Variants in PHKB observed in about 807,000 individuals in gnomAD.
The protein encoded by PHKB is phosphorylase kinase regulatory subunit beta, also known as phosphorylase b kinase regulatory subunit beta.
A neutral mutation model predicts 152.1 loss-of-function variants in PHKB; 122 were observed. The ratio of observed to expected loss-of-function variants is 0.80; its 90% CI spans 0.69 to 0.93. The LOEUF (loss-of-function observed/expected upper bound fraction) is 0.93, where lower values mean the gene tolerates loss of function less well. Among genes scored for constraint, PHKB ranks in the 40% least tolerant of loss-of-function variants. PHKB has a pLI of 0.00. For synonymous variants in PHKB, 436 were observed against 464.9 expected, an observed-to-expected ratio of 0.94 and a Z score of 0.80; for missense variants, 1,304 against 1,328.4, an observed-to-expected ratio of 0.98 and a Z score of 0.29.
chr16:47,484,399 G>C (rs957182599), intron 1 of PHKB, among the ~76,000 whole-genome samples: 2 of 152,084 alleles, frequency 1.3e-5, no homozygotes, highest in East Asian at 1.9e-4. Flanking sequence ...ATCCATCATG[G>C]AGAAACGTAG....
At chr16:47,607,836 A>G (rs1972354203) in intron 13 of PHKB, among the ~76,000 whole-genome samples, 2 of 152,078 alleles carry the variant, frequency 1.3e-5, no homozygotes, top group Non-Finnish European at 2.9e-5. Context: ...ATCTTTGCCA[A>G]CACTTGTTCT....
chr16:47,611,048 T>G (rs1972419100), intron 14 of PHKB, 128 bp downstream of exon 14: 2 of 704,366 alleles, frequency 2.8e-6, no homozygotes, highest in African/African-American at 1.8e-5. Context: ...CCTCTTCTGG[T>G]TAGTTAAGAT....
At chr16:47,610,182 T>C (rs1486371879) in intron 13 of PHKB, among the ~76,000 whole-genome samples, 22 of 145,172 alleles carry the variant, frequency 1.5e-4, no homozygotes, top group Non-Finnish European at 2.4e-4. Flanking sequence ...TTTTTTTTTT[T>C]GTATTTTTAG....
intron 14 of PHKB, among the ~76,000 whole-genome samples, chr16:47,617,347 T>G (rs574059176): frequency 2.0e-5 from 3 of 151,502 alleles, no homozygotes; most frequent in South Asian, 4.2e-4. Flanking sequence ...AATAAGTACA[T>G]TTACAATGTA....
intron 10 of PHKB, among the ~76,000 whole-genome samples, chr16:47,589,496 T>C (rs1351758247): frequency 6.6e-6 from 1 of 152,244 alleles, no homozygotes; most frequent in Non-Finnish European, 1.5e-5. Flanking sequence ...TAATATTAAA[T>C]ACCTGTTTGT....
chr16:47,515,051 T>C (rs1371904775), intron 5 of PHKB, among the ~76,000 whole-genome samples: 1 of 152,214 alleles, frequency 6.6e-6, no homozygotes. Context: ...GGCATCATCA[T>C]AGTGTCTTGC....
intron 14 of PHKB, among the ~76,000 whole-genome samples, chr16:47,620,857 G>A (rs917943086): frequency 4.6e-5 from 7 of 152,026 alleles, no homozygotes; most frequent in Non-Finnish European, 8.8e-5. Context: ...CTGGGCAACA[G>A]AGTGAGACTC....
In PHKB at chr16:47,700,187, T is replaced by C. The variant is rs1974223598; in HGVS notation, c.*821T>C. On this transcript the variant is annotated 3_prime_UTR_variant, in exon 31 of 31. Coordinates refer to ENST00000323584, the MANE Select transcript of PHKB (RefSeq NM_000293.3). ...AACATGGTGAAAACCCTGTCTCTAC[T>C]AAAAATACAAAAATTAGCCAGGCAT... The C allele has an allele frequency of 6.6e-6, 1 of 151,720 alleles. No individual in the cohort carries two copies. The highest frequency in any genetic ancestry group is 1.5e-5 in the Non-Finnish European group (1 of 67,950). 9.4% of individuals were successfully genotyped at this position (151,720 alleles called of 1,614,324 possible). A position where few individuals can be genotyped will look rare whatever the true frequency, so the allele number is the denominator to read the frequency against.
At chr16:47,660,927 T>C in intron 22 of PHKB, 108 bp downstream of exon 22, 1 of 1,116,910 alleles carries the variant, frequency 9.0e-7, no homozygotes, top group Non-Finnish European at 1.4e-6. Context: ...TAGCAATTAA[T>C]CTGGAGGTGG....
rs556303193 is a variant in PHKB, at chr16:47,693,395, G to A, written c.2783G>A (p.Arg928His). ...QQNGRCWLNR[R>H]QIDGSLNRTP... ...TGTTACAGATGTTGGCTGAACAGGC[G>A]TCAGATCGATGGGTCTTTGAATAGA... Residue 928 changes from arginine to histidine, a missense_variant, in exon 28 of 31, where the codon CGT becomes CAT. By Grantham distance (29) the Arg-to-His change is conservative (BLOSUM62 0). Coordinates refer to ENST00000323584, the MANE Select transcript of PHKB (RefSeq NM_000293.3). 4.5e-5 allele frequency: 72 copies of A among 1,614,006 alleles called. No homozygotes were observed. The highest frequency in any genetic ancestry group is 5.5e-5 in the Non-Finnish European group (65 of 1,179,954).
intron 23 of PHKB, among the ~76,000 whole-genome samples, chr16:47,663,249 A>G (rs767192474): frequency 2.0e-5 from 3 of 152,202 alleles, no homozygotes; most frequent in Non-Finnish European, 4.4e-5. Flanking sequence ...TCATAGCCCC[A>G]TGTACATAAC....
chr16:47,587,762 A>T lies in PHKB; in HGVS notation c.869A>T (p.His290Leu). ...CSLLPRESRS[H>L]NTDAALLPCI... is the part of the protein sequence containing the mutation. ...CTGTTACCCAGAGAATCAAGATCAC[A>T]TGTGAGACATTTAATAATGATAAAT... Residue 290 changes from histidine (H) to leucine (L), a missense_variant and splice_region_variant, in exon 9 of 31, where the codon CAT becomes CTT. Transcript: ENST00000323584. 3.1e-6 allele frequency: 5 copies of T among 1,592,322 alleles called. No individual in the cohort carries two copies. The highest frequency in any genetic ancestry group is 4.3e-6 in the Non-Finnish European group (5 of 1,160,140).
At position 47,478,952 on chromosome 16, in the gene PHKB, C is replaced by T. The variant is rs1567272610; in HGVS notation, c.76+17526C>T. 2.0e-5 allele frequency among the ~76,000 whole-genome samples: 3 copies of T among 152,028 alleles called. No homozygotes were observed. The South Asian group carries it at 6.2e-4, about 32-fold the overall frequency. ...GAATGTATTTTAAAAATATCAGATC[C>T]CTGAATAGAGTCTGGAGATCTTGTT... On this transcript the variant is annotated intron_variant, in intron 1 of 30. Coordinates refer to ENST00000323584, the MANE Select transcript of PHKB (RefSeq NM_000293.3).
intron 4 of PHKB, among the ~76,000 whole-genome samples, chr16:47,505,135 G>A (rs1970390836): frequency 6.6e-6 from 1 of 152,190 alleles, no homozygotes; most frequent in Non-Finnish European, 1.5e-5. Context: ...CATCTGTAAA[G>A]TGAATGATTG....
At position 47,699,622 on chromosome 16, in the gene PHKB, T is replaced by C. The variant is rs566967184; in HGVS notation, c.*256T>C. ...AGTAATCCTCACTGAGTGATAAAAA[T>C]AGTTTATGAATTGAAAATTTGCCGC... On this transcript the variant is annotated 3_prime_UTR_variant, in exon 31 of 31. Coordinates refer to ENST00000323584, the MANE Select transcript of PHKB (RefSeq NM_000293.3). 3.9e-6 allele frequency: 2 copies of C among 507,524 alleles called. No homozygotes were observed. Among genetic ancestry groups the C allele is most frequent in the East Asian group, 7.1e-5 (2 of 28,006 alleles). 31.4% of individuals were successfully genotyped at this position (507,524 alleles called of 1,614,324 possible).
chr16:47,568,959 A>G (rs896974005), intron 7 of PHKB, among the ~76,000 whole-genome samples: 15 of 152,134 alleles, frequency 9.9e-5, no homozygotes, highest in Non-Finnish European at 1.0e-4. Flanking sequence ...TATCTTGGAA[A>G]ATGTTCCATG....
chr16:47,596,167 T>A (rs1972114330), intron 12 of PHKB, among the ~76,000 whole-genome samples: 1 of 152,112 alleles, frequency 6.6e-6, no homozygotes, highest in Non-Finnish European at 1.5e-5. Flanking sequence ...ATAAGCCCTC[T>A]TGCCTGCCAC....
At chr16:47,641,140 G>C (rs934202986) in intron 15 of PHKB, 50 bp downstream of exon 15, 4 of 1,359,494 alleles carry the variant, frequency 2.9e-6, no homozygotes, top group Non-Finnish European at 4.2e-6. Context: ...GGGGAGGGGA[G>C]GGGAAATGAT....
At chr16:47,557,241 A>T (rs560826179) in intron 7 of PHKB, among the ~76,000 whole-genome samples, 40 of 152,362 alleles carry the variant, frequency 2.6e-4, no homozygotes, top group Middle Eastern at 3.4e-3. Flanking sequence ...TTCAAGATGG[A>T]TTAAAGACTT....
Sources: gnomAD v4.1 joint callset for allele counts (sites outside exome capture counted in the v4.1 genomes callset) on GRCh38, gnomAD v4.1.1 for gene constraint, MANE v1.5 for transcripts, NCBI Gene and HGNC (gene_info 2026-07-23, HGNC 2026-07-21) for gene names.